ADAMTS4: variants seen among roughly 807,000 people sequenced by gnomAD.
The protein encoded by ADAMTS4 is A disintegrin and metalloproteinase with thrombospondin motifs 4.
In ADAMTS4, 38 loss-of-function variants were observed where a neutral mutation model predicts 66.7. The observed-to-expected ratio is 0.57, with a 90% CI of 0.44 to 0.75. The LOEUF (loss-of-function observed/expected upper bound fraction) is 0.75, where lower values mean the gene tolerates loss of function less well. Ranked by LOEUF, ADAMTS4 falls within the 30% of genes least tolerant of loss-of-function variation. The pLI, the probability that ADAMTS4 is intolerant of heterozygous loss-of-function variation, is 0.00. For missense variants in ADAMTS4, 1,014 were observed against 1,116.7 expected, an observed-to-expected ratio of 0.91 and a Z score of 1.31; for synonymous variants, 418 against 461.5, an observed-to-expected ratio of 0.91 and a Z score of 1.21.
At chr1:161,192,318 C>A in intron 7 of ADAMTS4, 78 bp from the exon 8 acceptor site, 1 of 1,423,898 alleles carries the variant, frequency 7.0e-7, no homozygotes, top group Non-Finnish European at 9.6e-7. Context: ...AGACCCATGT[C>A]CCATCAGGGA....
intron 1 of ADAMTS4, chr1:161,197,546 A>C: frequency 6.0e-6 from 1 of 167,234 alleles, no homozygotes; most frequent in Non-Finnish European, 1.3e-5. Flanking sequence ...TGCCACAGTG[A>C]TTTTAAAGGC....
chr1:161,193,490 C>A lies in ADAMTS4; in HGVS notation c.1736-102G>T, dbSNP rs988088197. On this transcript the variant is annotated intron_variant, in intron 6 of 8. Coordinates refer to ENST00000367996, the MANE Select transcript of ADAMTS4 (RefSeq NM_005099.6). This position sits in a 1 kb window ranked among gnomAD's most constrained non-coding sequence, Gnocchi z 4.4. ...CTCTAGACAGCACAGCTCTGCTCTT[C>A]CCTGCAGACGGCCAAGGACAATTCC... The A allele has an allele frequency of 4.6e-6, 7 of 1,525,346 alleles. No homozygotes were observed. In the African/African-American group the frequency reaches 9.6e-5, roughly 21 times the overall value. The allele number at this position is 1,525,346 out of a possible 1,614,324, so 94.5% of individuals were successfully genotyped here.
chr1:161,188,146 G>A lies in ADAMTS4; in HGVS notation c.*2992C>T, dbSNP rs1329631872. On this transcript the variant is annotated 3_prime_UTR_variant, in exon 9 of 9. Transcript: ENST00000367996. ...TTGTATTTTTTTTTTAGTAGAGATGGGGTTTCACCATGTTGGCCTGGCTGG... is the reference window on the plus strand; with the variant it reads ...TTGTATTTTTTTTTTAGTAGAGATGAGGTTTCACCATGTTGGCCTGGCTGG... 6.6e-6 allele frequency: 1 copy of A among 150,506 alleles called. No individual in the cohort carries two copies. The highest frequency in any genetic ancestry group is 2.4e-5 in the African/African-American group (1 of 40,854). The allele number at this position is 150,506 out of a possible 1,614,324, so 9.3% of individuals were successfully genotyped here.
In ADAMTS4 at chr1:161,194,715, T is replaced by C. The variant is rs2102014127; in HGVS notation, c.1262-494A>G. Among the ~76,000 whole-genome samples, 1 of 152,342 alleles carries C rather than the reference T, an allele frequency of 6.6e-6. No individual in the cohort carries two copies. The highest frequency in any genetic ancestry group is 6.5e-5 in the Admixed American group (1 of 15,306). The stretch of plus-strand genomic sequence containing the variant: ...TGTAAGAGGCTTTAATGGGCAGCTA[T>C]AGTTTATTGGATGCTTATTATGAGA... On this transcript the variant is annotated intron_variant, in intron 4 of 8. Coordinates refer to ENST00000367996, the MANE Select transcript of ADAMTS4 (RefSeq NM_005099.6). This position sits in a 1 kb window ranked among gnomAD's most constrained non-coding sequence, Gnocchi z 4.1.
Position 161,185,409 on chromosome 1 carries a change from C to T in ADAMTS4, c.*5729G>A, listed in dbSNP as rs1420417431. 1 of 152,028 alleles carries T rather than the reference C, an allele frequency of 6.6e-6. No homozygotes were observed. Among genetic ancestry groups the T allele is most frequent in the Non-Finnish European group, 1.5e-5 (1 of 67,986 alleles). 9.4% of individuals were successfully genotyped at this position (152,028 alleles called of 1,614,324 possible). ...GGTCTGTCCCCATGTAAGATCCTGC[C>T]TGGGGAAGTTGTTCAGTGTTGTTGC... On this transcript the variant is annotated 3_prime_UTR_variant, in exon 9 of 9. Transcript: ENST00000367996.
In ADAMTS4 at chr1:161,193,930, C is replaced by T. The variant is rs758643004; in HGVS notation, c.1548+5G>A. 4.5e-6 allele frequency: 7 copies of T among 1,571,616 alleles called. No individual in the cohort carries two copies. Among genetic ancestry groups the T allele is most frequent in the Non-Finnish European group, 6.1e-6 (7 of 1,156,082 alleles). On this transcript the variant is annotated splice_donor_5th_base_variant and intron_variant, in intron 5 of 8. Transcript: ENST00000367996. This position sits in a 1 kb window ranked among gnomAD's most constrained non-coding sequence, Gnocchi z 4.4. ...CTTTACCCCACCCCTGCCCTAGGAT[C>T]TCACATTGAAGTCCTGGAGCTGGTC...
chr1:161,196,428 C>T, intron 2 of ADAMTS4, 125 bp from the exon 3 acceptor site: 2 of 1,508,148 alleles, frequency 1.3e-6, no homozygotes, highest in Non-Finnish European at 1.8e-6. Context: ...GGTAGCCACA[C>T]ATGGCAGTGT....
intron 1 of ADAMTS4, 142 bp downstream of exon 1, chr1:161,197,853 C>T (rs1307485471): frequency 1.3e-5 from 17 of 1,302,374 alleles, no homozygotes; most frequent in South Asian, 1.6e-5. Flanking sequence ...AGAAAGGAGG[C>T]TCATGGAGAA....
chr1:161,191,669 T>C, intron 8 of ADAMTS4, 105 bp from the exon 9 acceptor site: 1 of 1,201,392 alleles, frequency 8.3e-7, no homozygotes, highest in Non-Finnish European at 1.2e-6. Flanking sequence ...TAGATGGCTG[T>C]CACCCAATCC....
In ADAMTS4 at chr1:161,193,013, G is replaced by C. The variant is rs892269086; in HGVS notation, c.1911+200C>G. On this transcript the variant is annotated intron_variant, in intron 7 of 8. Coordinates refer to ENST00000367996, the MANE Select transcript of ADAMTS4 (RefSeq NM_005099.6). This position sits in a 1 kb window ranked among gnomAD's most constrained non-coding sequence, Gnocchi z 4.4. ...CACGGGAAATAGGATAGGCTAGAGG[G>C]ACCTATTGGCCACATATCTGGAGTC... 2.0e-5 allele frequency among the ~76,000 whole-genome samples: 3 copies of C among 152,242 alleles called. No homozygotes were observed. The highest frequency in any genetic ancestry group is 7.2e-5 in the African/African-American group (3 of 41,460).
At chr1:161,196,379 G>C in intron 2 of ADAMTS4, 76 bp from the exon 3 acceptor site, 1 of 1,542,780 alleles carries the variant, frequency 6.5e-7, no homozygotes, top group Non-Finnish European at 8.8e-7. Context: ...CAGATTCCCG[G>C]GGACCTGGGC....
Position 161,194,588 on chromosome 1 carries a change from T to C in ADAMTS4, c.1262-367A>G, listed in dbSNP as rs1365808712. ...ATTTTTTGTAGTGATAAGGTCTTGC[T>C]ATGTTGTCCAGGCTAATCTCAAACT... On this transcript the variant is annotated intron_variant, in intron 4 of 8. Coordinates refer to ENST00000367996, the MANE Select transcript of ADAMTS4 (RefSeq NM_005099.6). The surrounding 1 kb of genome is among the most constrained non-coding windows in gnomAD (Gnocchi z 4.1). Among the ~76,000 whole-genome samples, 1 of 152,056 alleles carries C rather than the reference T, an allele frequency of 6.6e-6. No homozygotes were observed. Among genetic ancestry groups the C allele is most frequent in the Admixed American group, 6.5e-5 (1 of 15,274 alleles).
chr1:161,198,202 C>A lies in ADAMTS4; in HGVS notation c.426G>T (p.Leu142=). The part of the protein sequence containing the change: ...INGDPESVAS[L]HWDGGALLGV... Reference sequence around the variant, plus strand: ...CTAACAGGGCTCCCCCATCCCAGTGCAGAGATGCCACCGACTCCGGATCTC... The same window carrying A: ...CTAACAGGGCTCCCCCATCCCAGTGAAGAGATGCCACCGACTCCGGATCTC... The change falls in exon 1 of 9, where the codon CTG becomes CTT. Residue 142 remains leucine, a synonymous_variant. Transcript: ENST00000367996. The surrounding 1 kb of genome is among the most constrained non-coding windows in gnomAD (Gnocchi z 4.7). 6.2e-7 allele frequency: 1 copy of A among 1,614,110 alleles called. No individual in the cohort carries two copies. The highest frequency in any genetic ancestry group is 8.5e-7 in the Non-Finnish European group (1 of 1,179,998).
chr1:161,193,455 C>A lies in ADAMTS4; in HGVS notation c.1736-67G>T. The A allele has an allele frequency of 6.4e-7, 1 of 1,571,000 alleles. No individual in the cohort carries two copies. The highest frequency in any genetic ancestry group is 8.6e-7 in the Non-Finnish European group (1 of 1,156,176). ...CATCACCCCACATCCCTCCACCCAA[C>A]CCCTGAGAACTCTAGACAGCACAGC... On this transcript the variant is annotated intron_variant, in intron 6 of 8. Coordinates refer to ENST00000367996, the MANE Select transcript of ADAMTS4 (RefSeq NM_005099.6). The surrounding 1 kb of genome is among the most constrained non-coding windows in gnomAD (Gnocchi z 4.4).
rs1385734574 is a variant in ADAMTS4 at position 161,186,358 on chromosome 1, G to A, written c.*4780C>T. The A allele has an allele frequency of 6.6e-6, 1 of 152,254 alleles. No homozygotes were observed. The highest frequency in any genetic ancestry group is 2.4e-5 in the African/African-American group (1 of 41,460). 9.4% of individuals were successfully genotyped at this position (152,254 alleles called of 1,614,324 possible). ...CCATTCCAGAAAAGGGTCAGGCCTT[G>A]CCTGGGATTGAGGGCTGAGATGCCC... On this transcript the variant is annotated 3_prime_UTR_variant, in exon 9 of 9. Coordinates refer to ENST00000367996, the MANE Select transcript of ADAMTS4 (RefSeq NM_005099.6).
Position 161,190,745 on chromosome 1 carries a change from G to A in ADAMTS4, c.*393C>T, listed in dbSNP as rs1664648941. 1 of 185,138 alleles carries A rather than the reference G, an allele frequency of 5.4e-6. No individual in the cohort carries two copies. The highest frequency in any genetic ancestry group is 2.3e-5 in the African/African-American group (1 of 42,586). The allele number at this position is 185,138 out of a possible 1,614,324, so 11.5% of individuals were successfully genotyped here. A position where few individuals can be genotyped will look rare whatever the true frequency, so the allele number is the denominator to read the frequency against. On this transcript the variant is annotated 3_prime_UTR_variant, in exon 9 of 9. Transcript: ENST00000367996. The stretch of plus-strand genomic sequence containing the variant: ...CCTGGATTTCCTAGCCCCAGGGTGA[G>A]GGCTATGAGGGGTCAGGGGTCAGGT...
In ADAMTS4 at chr1:161,196,634, C is replaced by A; in HGVS notation, c.880G>T (p.Ala294Ser). 6.2e-7 allele frequency: 1 copy of A among 1,614,186 alleles called. No individual in the cohort carries two copies. The highest frequency in any genetic ancestry group is 8.5e-7 in the Non-Finnish European group (1 of 1,180,020). Reference protein sequence around the residue: ...SAAQTLRSFCAWQRGLNTPED... With the variant: ...SAAQTLRSFCSWQRGLNTPED... ...GGGGTGTTGAGGCCCCGCTGCCAGG[C>A]ACAGAAGCTGCGCAGGGTCTGGGCA... The change falls in exon 2 of 9, where the codon GCC becomes TCC. Residue 294 changes from alanine (A) to serine (S), a missense_variant. Physicochemically the swap from Ala to Ser is moderately conservative, Grantham distance 99 (BLOSUM62 1). Transcript: ENST00000367996.
rs1340480855 is a variant in ADAMTS4 at position 161,186,460 on chromosome 1, G to A, written c.*4678C>T. 6.6e-6 allele frequency: 1 copy of A among 152,226 alleles called. No individual in the cohort carries two copies. Among genetic ancestry groups the A allele is most frequent in the Non-Finnish European group, 1.5e-5 (1 of 68,052 alleles). The allele number at this position is 152,226 out of a possible 1,614,324, so 9.4% of individuals were successfully genotyped here. On this transcript the variant is annotated 3_prime_UTR_variant, in exon 9 of 9. Coordinates refer to ENST00000367996, the MANE Select transcript of ADAMTS4 (RefSeq NM_005099.6). ...CCTGCTTACTTACCCAATCACAGAG[G>A]TGGCCCCTAAGCTCAGTCTCATTTT...
Position 161,196,598 on chromosome 1 carries a change from C to T in ADAMTS4, c.916G>A (p.Asp306Asn). The change falls in exon 2 of 9, where the codon GAC becomes AAC. Residue 306 changes from aspartate to asparagine, a missense_variant. Asp to Asn is a conservative substitution (Grantham distance 23). Transcript: ENST00000367996. ...ATGGCTGTGTCAAAGTGGTCAGGGT[C>T]CGAGTCCTCAGGGGTGTTGAGGCCC... ...QRGLNTPEDS[D>N]PDHFDTAILF... 6.2e-7 allele frequency: 1 copy of T among 1,614,202 alleles called. No homozygotes were observed. The highest frequency in any genetic ancestry group is 8.5e-7 in the Non-Finnish European group (1 of 1,180,034).
Sources: allele counts gnomAD v4.1 joint callset (sites outside exome capture counted in the v4.1 genomes callset), GRCh38; gene constraint gnomAD v4.1.1; non-coding constraint Gnocchi (gnomAD v3.1); transcripts MANE v1.5; gene names NCBI Gene and HGNC (gene_info 2026-07-23, HGNC 2026-07-21).